PPP1R13B: variants seen among roughly 807,000 people sequenced by gnomAD.
The protein encoded by PPP1R13B is apoptosis-stimulating of p53 protein 1.
In PPP1R13B, 44 loss-of-function variants were observed where a neutral mutation model predicts 119.8. The ratio of observed to expected loss-of-function variants is 0.37; its 90% CI spans 0.29 to 0.47. The LOEUF (loss-of-function observed/expected upper bound fraction) is 0.47. Among genes scored for constraint, PPP1R13B ranks in the 20% least tolerant of loss-of-function variants. The pLI, the probability that PPP1R13B is intolerant of heterozygous loss-of-function variation, is 0.99. For missense variants in PPP1R13B, 1,227 were observed against 1,413.5 expected, an observed-to-expected ratio of 0.87 and a Z score of 2.12; for synonymous variants, 542 against 561.5, an observed-to-expected ratio of 0.97 and a Z score of 0.49.
chr14:103,734,224 T>C lies in PPP1R13B; in HGVS notation c.*930A>G. The C allele has an allele frequency of 3.5e-6, 1 of 284,668 alleles. No homozygotes were observed. The highest frequency in any genetic ancestry group is 7.1e-6 in the Non-Finnish European group (1 of 141,138). The allele number at this position is 284,668 out of a possible 1,614,324, so 17.6% of individuals were successfully genotyped here. A position where few individuals can be genotyped will look rare whatever the true frequency, so the allele number is the denominator to read the frequency against. ...GCTCCTCTGCCCCAGCTGCTGCTCCTTGGTGGCGGCCCCTCCTGACACCAG... is the reference window on the plus strand; with the variant it reads ...GCTCCTCTGCCCCAGCTGCTGCTCCCTGGTGGCGGCCCCTCCTGACACCAG... On this transcript the variant is annotated 3_prime_UTR_variant, in exon 17 of 17. Transcript: ENST00000202556.
rs764888726 is a variant in PPP1R13B at position 103,738,675 on chromosome 14, T to A, written c.2864+4A>T. On this transcript the variant is annotated splice_donor_region_variant and intron_variant, in intron 14 of 16. Coordinates refer to ENST00000202556, the MANE Select transcript of PPP1R13B (RefSeq NM_015316.3). The surrounding 1 kb of genome is among the most constrained non-coding windows in gnomAD (Gnocchi z 5.6). ...TGTCCACCCCACACTCCTACGGGCCTCACCATCCATCACTATCAGCAGCAT... is the reference window on the plus strand; with the variant it reads ...TGTCCACCCCACACTCCTACGGGCCACACCATCCATCACTATCAGCAGCAT... 6.2e-7 allele frequency: 1 copy of A among 1,614,208 alleles called. No homozygotes were observed. Among genetic ancestry groups the A allele is most frequent in the Admixed American group, 1.7e-5 (1 of 60,026 alleles).
intron 4 of PPP1R13B, among the ~76,000 whole-genome samples, chr14:103,775,538 G>A (rs1015391010): frequency 6.6e-6 from 1 of 152,138 alleles, no homozygotes; most frequent in African/African-American, 2.4e-5. Context: ...GCCTCCCAAA[G>A]TGCTGGGATT....
chr14:103,779,922 G>A (rs1430616451), intron 3 of PPP1R13B, among the ~76,000 whole-genome samples: 3 of 152,036 alleles, frequency 2.0e-5, no homozygotes, highest in Non-Finnish European at 4.4e-5. Flanking sequence ...GGCTGAGGCG[G>A]ACAGGCTGCT....
At chr14:103,822,105 A>G (rs2086423511) in intron 1 of PPP1R13B, among the ~76,000 whole-genome samples, 1 of 152,130 alleles carries the variant, frequency 6.6e-6, no homozygotes, top group Non-Finnish European at 1.5e-5. Context: ...TTCATCCACA[A>G]GACAATCCCA....
At chr14:103,832,018 A>T (rs537966805) in intron 1 of PPP1R13B, among the ~76,000 whole-genome samples, 2 of 151,918 alleles carry the variant, frequency 1.3e-5, no homozygotes, top group African/African-American at 2.4e-5. Context: ...AGGCAGGAGG[A>T]TTGTTTGAGT....
In PPP1R13B at chr14:103,846,902, C is replaced by T. The variant is rs113722389; in HGVS notation, c.9+397G>A. On this transcript the variant is annotated intron_variant, in intron 1 of 16. Transcript: ENST00000202556. ...CTGCAGAGTGTGGGAACTCCGGGCG[C>T]GGGTGCCCACCCCGCCGACTCCCAG... The T allele has an allele frequency of 1.5e-3, 1,262 of 861,476 alleles. 13 individuals are homozygous for T. In the African/African-American group the frequency reaches 0.02, roughly 14 times the overall value. 53.4% of individuals were successfully genotyped at this position (861,476 alleles called of 1,614,324 possible). A position where few individuals can be genotyped will look rare whatever the true frequency, so the allele number is the denominator to read the frequency against.
In PPP1R13B at chr14:103,742,336, A is replaced by C. The variant is rs1249417177; in HGVS notation, c.1321-45T>G. On this transcript the variant is annotated intron_variant, in intron 10 of 16. Coordinates refer to ENST00000202556, the MANE Select transcript of PPP1R13B (RefSeq NM_015316.3). The surrounding 1 kb of genome is among the most constrained non-coding windows in gnomAD (Gnocchi z 4.9). ...AGAAAAACAAAGTCACCCTTTGAACAGTTAAGAATATTTCCACCCACATTC... is the reference window on the plus strand; with the variant it reads ...AGAAAAACAAAGTCACCCTTTGAACCGTTAAGAATATTTCCACCCACATTC... 4 of 1,502,238 alleles carry C rather than the reference A, an allele frequency of 2.7e-6. No individual in the cohort carries two copies. In the East Asian group the frequency reaches 9.1e-5, roughly 34 times the overall value. 93.1% of individuals were successfully genotyped at this position (1,502,238 alleles called of 1,614,324 possible). A position where few individuals can be genotyped will look rare whatever the true frequency, so the allele number is the denominator to read the frequency against.
intron 2 of PPP1R13B, among the ~76,000 whole-genome samples, chr14:103,792,966 G>T (rs2085660519): frequency 6.6e-6 from 1 of 151,804 alleles, no homozygotes; most frequent in African/African-American, 2.4e-5. Flanking sequence ...AGCTACTCAG[G>T]GAGGCTGAGG....
At chr14:103,829,770 C>T (rs973299507) in intron 1 of PPP1R13B, among the ~76,000 whole-genome samples, 6 of 152,134 alleles carry the variant, frequency 3.9e-5, no homozygotes, top group African/African-American at 1.4e-4. Flanking sequence ...ACCACCACAC[C>T]TGGCTAAATA....
Position 103,754,782 on chromosome 14 carries a change from C to CT in PPP1R13B, c.457-539dup, listed in dbSNP as rs572539906. 7.9e-3 allele frequency among the ~76,000 whole-genome samples: 1,162 copies of CT among 147,776 alleles called. 10 individuals carry two copies. Among genetic ancestry groups the CT allele is most frequent in the Middle Eastern group, 0.028 (8 of 284 alleles). On this transcript the variant is annotated intron_variant, in intron 5 of 16. Transcript: ENST00000202556. ...TAAGAGAGAGGGTTTTCTTTTTCTT[C>CT]TTTTTTTTTTCTTTTGAGACGGAGT...
intron 4 of PPP1R13B, among the ~76,000 whole-genome samples, chr14:103,775,838 A>G (rs570280821): frequency 1.2e-4 from 18 of 152,188 alleles, no homozygotes; most frequent in African/African-American, 3.6e-4. Flanking sequence ...ACAAATCTCT[A>G]CTCCAATGAC....
intron 2 of PPP1R13B, among the ~76,000 whole-genome samples, chr14:103,793,899 G>A (rs1333631177): frequency 3.9e-5 from 6 of 152,130 alleles, no homozygotes; most frequent in African/African-American, 7.2e-5. Flanking sequence ...CAAGTACCTC[G>A]AAATTTAACT....
At chr14:103,848,286 C>T (rs1390278922), upstream of PPP1R13B, 2 of 985,348 alleles carry the variant, frequency 2.0e-6, no homozygotes, top group South Asian at 9.4e-5. Context: ...GCCAGCATCC[C>T]TCGAGGTCCA....
chr14:103,745,741 C>T (rs2151971100), intron 9 of PPP1R13B, among the ~76,000 whole-genome samples: 1 of 152,352 alleles, frequency 6.6e-6, no homozygotes, highest in Non-Finnish European at 1.5e-5. Context: ...CATGCCGGGC[C>T]TCAGTGTCCT....
intron 1 of PPP1R13B, among the ~76,000 whole-genome samples, chr14:103,817,580 ATT>A (rs1204983464): frequency 6.6e-6 from 1 of 152,022 alleles, no homozygotes; most frequent in African/African-American, 2.4e-5. Context: ...TTTTTTTTTA[ATT>A]TTGTTAGTAT....
At chr14:103,788,206 C>T (rs1025997102) in intron 2 of PPP1R13B, among the ~76,000 whole-genome samples, 1 of 152,026 alleles carries the variant, frequency 6.6e-6, no homozygotes, top group African/African-American at 2.4e-5. Context: ...TGTTTTTAGT[C>T]TCACCATTTT....
intron 1 of PPP1R13B, among the ~76,000 whole-genome samples, chr14:103,833,045 C>T (rs140131491): frequency 1.6e-4 from 24 of 151,712 alleles, no homozygotes; most frequent in Non-Finnish European, 2.8e-4. Context: ...CAGATAAAAA[C>T]GTTCTGGAGG....
rs992199299 is a variant in PPP1R13B, at chr14:103,743,743, A to C, written c.1151-920T>G. ...GGGGATAACTAAGTAGCAGCAGGAA[A>C]ATCAGTGGTCCTCACAACAACGTCT... On this transcript the variant is annotated intron_variant, in intron 9 of 16. Coordinates refer to ENST00000202556, the MANE Select transcript of PPP1R13B (RefSeq NM_015316.3). 2.0e-5 allele frequency: 3 copies of C among 152,334 alleles called. No homozygotes were observed. In the South Asian group the frequency reaches 6.2e-4, roughly 32 times the overall value. The allele number at this position is 152,334 out of a possible 1,614,324, so 9.4% of individuals were successfully genotyped here.
chr14:103,770,473 C>T lies in PPP1R13B; in HGVS notation c.354+8272G>A, dbSNP rs528802684. ...GAGGTTGCAGTGAGTCGAGATTGTGCCACTGCACTCCAGCCTGAGAGACAC... is the reference window on the plus strand; with the variant it reads ...GAGGTTGCAGTGAGTCGAGATTGTGTCACTGCACTCCAGCCTGAGAGACAC... On this transcript the variant is annotated intron_variant, in intron 4 of 16. Transcript: ENST00000202556. 9.2e-5 allele frequency among the ~76,000 whole-genome samples: 14 copies of T among 152,084 alleles called. 1 individual carries two copies. The South Asian group carries it at 2.3e-3, about 25-fold the overall frequency.
Sources: allele counts gnomAD v4.1 joint callset (sites outside exome capture counted in the v4.1 genomes callset), GRCh38; gene constraint gnomAD v4.1.1; non-coding constraint Gnocchi (gnomAD v3.1); transcripts MANE v1.5; gene names NCBI Gene and HGNC (gene_info 2026-07-23, HGNC 2026-07-21).